Variants in KLF15 observed in about 807,000 individuals in gnomAD.
KLF15 encodes KLF transcription factor 15.
A neutral mutation model predicts 24.6 loss-of-function variants in KLF15; 4 were observed. That is an observed-to-expected ratio of 0.16 (90% CI 0.08 to 0.37). KLF15 has a LOEUF of 0.37. Ranked by LOEUF, KLF15 falls within the 10% of genes least tolerant of loss-of-function variation. The pLI, the probability that KLF15 is intolerant of heterozygous loss-of-function variation, is 1.00. For missense variants in KLF15, 496 were observed against 560.6 expected (o/e 0.88, Z 1.16); for synonymous variants, 246 against 236.3 (o/e 1.04, Z -0.37).
At chr3:126,307,824 G>A in the KLF15 span, among the ~76,000 whole-genome samples, 3 of 152,252 alleles carry the variant, frequency 2.0e-5, no homozygotes, top group East Asian at 1.9e-4. Context: ...CAGGCCCAGC[G>A]ATTTCCTTTC....
chr3:126,351,245 A>T (rs1282560918), intron 2 of KLF15, among the ~76,000 whole-genome samples: 3 of 151,850 alleles, frequency 2.0e-5, no homozygotes, highest in Non-Finnish European at 4.4e-5. Flanking sequence ...ACATGCTTCC[A>T]CGTCCCCAGG....
chr3:126,326,968 G>A, the KLF15 span, among the ~76,000 whole-genome samples: 1 of 152,042 alleles, frequency 6.6e-6, no homozygotes, highest in African/African-American at 2.4e-5. Context: ...CCCCTCCCTA[G>A]CCTCCCCGAC....
chr3:126,337,929 C>A (rs7619823), downstream of KLF15, among the ~76,000 whole-genome samples: 1 of 151,880 alleles, frequency 6.6e-6, no homozygotes, highest in East Asian at 1.9e-4. Flanking sequence ...AAAAGCAAGT[C>A]CCTGGGTGCC....
chr3:126,317,863 T>C, the KLF15 span, among the ~76,000 whole-genome samples: 3 of 152,142 alleles, frequency 2.0e-5, no homozygotes, highest in Non-Finnish European at 4.4e-5. Context: ...ATGTCTTCTG[T>C]CCCTCGGTCG....
At chr3:126,292,444 A>G in the KLF15 span, among the ~76,000 whole-genome samples, 2 of 152,324 alleles carry the variant, frequency 1.3e-5, no homozygotes, top group East Asian at 3.9e-4. Flanking sequence ...TAAAGAAGGG[A>G]AAGTGGCTAA....
chr3:126,350,273 C>A (rs1408948570), intron 2 of KLF15, among the ~76,000 whole-genome samples: 1 of 152,206 alleles, frequency 6.6e-6, no homozygotes, highest in Non-Finnish European at 1.5e-5. Flanking sequence ...AGCCATGCAC[C>A]CACTCGGCAG....
At chr3:126,303,377 G>A in the KLF15 span, among the ~76,000 whole-genome samples, 6 of 151,752 alleles carry the variant, frequency 4.0e-5, no homozygotes, top group East Asian at 1.9e-4. Flanking sequence ...TCTTTACTTT[G>A]CCTTTGTTTT....
At chr3:126,289,975 A>G in the KLF15 span, among the ~76,000 whole-genome samples, 1 of 152,200 alleles carries the variant, frequency 6.6e-6, no homozygotes, top group Non-Finnish European at 1.5e-5. Flanking sequence ...AAAGAAAAGG[A>G]GCATGTAGGG....
intron 2 of KLF15, among the ~76,000 whole-genome samples, chr3:126,350,871 G>A (rs544673407): frequency 5.3e-5 from 8 of 152,260 alleles, no homozygotes; most frequent in South Asian, 2.1e-4. Context: ...TCTCACACAC[G>A]TAGCAGCAGC....
intron 1 of KLF15, among the ~76,000 whole-genome samples, chr3:126,355,738 C>T (rs1316856046): frequency 6.6e-6 from 1 of 152,146 alleles, no homozygotes; most frequent in Non-Finnish European, 1.5e-5. Context: ...ATGGAAGGTG[C>T]GGGGGAGAGC....
the KLF15 span, among the ~76,000 whole-genome samples, chr3:126,322,183 CCT>C: frequency 6.6e-6 from 1 of 152,152 alleles, no homozygotes; most frequent in Non-Finnish European, 1.5e-5. Flanking sequence ...CATTCTTCTA[CCT>C]GGATAAATTT....
At chr3:126,326,596 C>T in the KLF15 span, among the ~76,000 whole-genome samples, 9 of 152,158 alleles carry the variant, frequency 5.9e-5, no homozygotes, top group Non-Finnish European at 7.3e-5. Context: ...TCATGGAGCA[C>T]GTTGGAGTGC....
intron 2 of KLF15, among the ~76,000 whole-genome samples, chr3:126,344,417 T>C (rs923735401): frequency 2.6e-5 from 4 of 152,202 alleles, no homozygotes; most frequent in African/African-American, 7.2e-5. Flanking sequence ...GCTGGCACAG[T>C]GGGCATTCTC....
At chr3:126,324,960 T>G in the KLF15 span, among the ~76,000 whole-genome samples, 1 of 87,654 alleles carries the variant, frequency 1.1e-5, no homozygotes, top group Admixed American at 1.3e-4. Context: ...CCCTCCCCCC[T>G]CCCCCGACCC....
At chr3:126,302,940 C>T in the KLF15 span, among the ~76,000 whole-genome samples, 1 of 152,030 alleles carries the variant, frequency 6.6e-6, no homozygotes, top group Non-Finnish European at 1.5e-5. Context: ...CATCTTGCTA[C>T]TTGTTCTCTA....
At chr3:126,346,778 G>A in intron 2 of KLF15, among the ~76,000 whole-genome samples, 1 of 152,174 alleles carries the variant, frequency 6.6e-6, no homozygotes, top group East Asian at 1.9e-4. Context: ...AGAGCCCTGG[G>A]GACTACAGTG....
At chr3:126,333,526 T>A in the KLF15 span, among the ~76,000 whole-genome samples, 1 of 100,594 alleles carries the variant, frequency 9.9e-6, no homozygotes, top group African/African-American at 4.3e-5. Context: ...ACGAGCAAAA[T>A]AACCAGCTAA....
chr3:126,294,525 T>C, the KLF15 span, among the ~76,000 whole-genome samples: 2 of 152,172 alleles, frequency 1.3e-5, no homozygotes, highest in Non-Finnish European at 2.9e-5. Context: ...AATTAAGCCA[T>C]ACACCAGTTG....
At chr3:126,331,368 G>A in the KLF15 span, among the ~76,000 whole-genome samples, 1 of 152,164 alleles carries the variant, frequency 6.6e-6, no homozygotes, top group Admixed American at 6.5e-5. Flanking sequence ...TTCAGATTGG[G>A]TTTATCTGGT....
Sources: allele counts gnomAD v4.1 joint callset (sites outside exome capture counted in the v4.1 genomes callset), GRCh38; gene constraint gnomAD v4.1.1; transcripts MANE v1.5; gene names NCBI Gene and HGNC (gene_info 2026-07-23, HGNC 2026-07-21).